The following CDYL2 variants were observed in gnomAD, a reference collection of about 807,000 sequenced individuals.
CDYL2 encodes the protein chromodomain Y-like protein 2.
A neutral mutation model predicts 49.4 loss-of-function variants in CDYL2; 23 were observed. That is an observed-to-expected ratio of 0.47 (90% CI 0.34 to 0.66). The LOEUF is 0.66. Among genes scored for constraint, CDYL2 ranks in the 30% least tolerant of loss-of-function variants. The probability of loss-of-function intolerance (pLI) is 0.01; values close to 1 mark genes in which losing one functional copy is unlikely to be tolerated. For missense variants in CDYL2, 678 were observed against 656.4 expected, an observed-to-expected ratio of 1.03 and a Z score of -0.36; for synonymous variants, 360 against 268.8, an observed-to-expected ratio of 1.34 and a Z score of -3.32.
chr16:80,778,582 T>A (rs1907166038), intron 1 of CDYL2, among the ~76,000 whole-genome samples: 1 of 151,994 alleles, frequency 6.6e-6, no homozygotes, highest in Non-Finnish European at 1.5e-5. Context: ...CAAAAGAAAG[T>A]CTTTTGGGGA....
chr16:80,634,703 T>C (rs983335715), intron 2 of CDYL2, among the ~76,000 whole-genome samples: 3 of 152,154 alleles, frequency 2.0e-5, no homozygotes, highest in African/African-American at 7.2e-5. Context: ...GCTCTGCCCA[T>C]GTATTTGATA....
chr16:80,627,264 C>G (rs193251687), intron 3 of CDYL2, among the ~76,000 whole-genome samples: 7 of 152,046 alleles, frequency 4.6e-5, no homozygotes, highest in African/African-American at 1.7e-4. Context: ...CTCACCTATA[C>G]ATGAACTCTA....
rs138490771 is a variant in CDYL2, at chr16:80,749,853, T to C, written c.24+54297A>G. Among the ~76,000 whole-genome samples, 691 of 152,238 alleles carry C rather than the reference T, an allele frequency of 4.5e-3. 7 individuals are homozygous for C. The highest frequency in any genetic ancestry group is 0.016 in the African/African-American group (655 of 41,530). On this transcript the variant is annotated intron_variant, in intron 1 of 6. Transcript: ENST00000570137. ...AACCAACCCAAATGTCCATCAATGA[T>C]AGACTGGATTAAGAAAATGTGGCAC...
chr16:80,727,606 G>C (rs1426433173), intron 1 of CDYL2, among the ~76,000 whole-genome samples: 2 of 152,346 alleles, frequency 1.3e-5, no homozygotes, highest in Admixed American at 6.5e-5. Context: ...ACAGCTCAAG[G>C]AGGCCTGCCT....
At chr16:80,652,023 G>C (rs554171043) in intron 2 of CDYL2, among the ~76,000 whole-genome samples, 1 of 152,158 alleles carries the variant, frequency 6.6e-6, no homozygotes, top group East Asian at 1.9e-4. Flanking sequence ...AGATAAAGAT[G>C]GCTGCATACA....
At chr16:80,661,662 T>C (rs1011017771) in intron 2 of CDYL2, among the ~76,000 whole-genome samples, 3 of 152,190 alleles carry the variant, frequency 2.0e-5, no homozygotes, top group African/African-American at 7.2e-5. Flanking sequence ...TGGTGTTGGC[T>C]CTGATGGATG....
At chr16:80,623,651 T>C (rs987667610) in intron 3 of CDYL2, among the ~76,000 whole-genome samples, 7 of 152,216 alleles carry the variant, frequency 4.6e-5, no homozygotes, top group Non-Finnish European at 8.8e-5. Context: ...CTTTACGATA[T>C]GAACTCACTT....
At position 80,600,712 on chromosome 16, in the gene CDYL2, T is replaced by C. The variant is rs1020924635; in HGVS notation, c.*3676A>G. On this transcript the variant is annotated 3_prime_UTR_variant, in exon 7 of 7. Transcript: ENST00000570137. ...TAGGAAGATTTGAAGATGTTTCTATTTGTTTCTCTCTGTTAAAAAATTTCC... is the reference window on the plus strand; with the variant it reads ...TAGGAAGATTTGAAGATGTTTCTATCTGTTTCTCTCTGTTAAAAAATTTCC... The C allele has an allele frequency of 1.3e-5, 2 of 152,212 alleles. No individual in the cohort carries two copies. Among genetic ancestry groups the C allele is most frequent in the African/African-American group, 4.8e-5 (2 of 41,466 alleles). 9.4% of individuals were successfully genotyped at this position (152,212 alleles called of 1,614,324 possible).
intron 3 of CDYL2, among the ~76,000 whole-genome samples, chr16:80,631,467 A>C (rs1418753617): frequency 6.6e-6 from 1 of 152,238 alleles, no homozygotes; most frequent in Non-Finnish European, 1.5e-5. Context: ...CACTGCATTA[A>C]GTATTCATTG....
At chr16:80,627,907 C>T (rs1353881360) in intron 3 of CDYL2, 1 of 152,250 alleles carries the variant, frequency 6.6e-6, no homozygotes, top group East Asian at 1.9e-4. Context: ...AGAGAACAGA[C>T]TCCCCCTCTA....
intron 1 of CDYL2, among the ~76,000 whole-genome samples, chr16:80,740,340 G>A (rs916060860): frequency 3.3e-5 from 5 of 152,130 alleles, no homozygotes; most frequent in African/African-American, 1.2e-4. Flanking sequence ...TGTGAAGTGA[G>A]TATAGAAACA....
intron 1 of CDYL2, among the ~76,000 whole-genome samples, chr16:80,741,203 A>C (rs1314962332): frequency 6.6e-6 from 1 of 150,672 alleles, no homozygotes. Flanking sequence ...GTGTATAAGA[A>C]TTTTATATAT....
At chr16:80,640,045 A>C (rs1247526351) in intron 2 of CDYL2, among the ~76,000 whole-genome samples, 1 of 152,152 alleles carries the variant, frequency 6.6e-6, no homozygotes, top group Non-Finnish European at 1.5e-5. Context: ...CTAGGCCACA[A>C]GGGCTAGACC....
intron 1 of CDYL2, among the ~76,000 whole-genome samples, chr16:80,706,326 G>T (rs1009411872): frequency 6.6e-6 from 1 of 152,138 alleles, no homozygotes; most frequent in African/African-American, 2.4e-5. Context: ...AAAAACAGGA[G>T]GGCAATGCTG....
intron 2 of CDYL2, among the ~76,000 whole-genome samples, chr16:80,682,113 G>C (rs576301168): frequency 7.9e-5 from 12 of 152,262 alleles, no homozygotes; most frequent in African/African-American, 2.4e-4. Context: ...TCTCTCATCA[G>C]TTGCCAGATA....
intron 2 of CDYL2, among the ~76,000 whole-genome samples, chr16:80,663,982 T>C (rs899258794): frequency 2.6e-5 from 4 of 152,228 alleles, no homozygotes; most frequent in Non-Finnish European, 5.9e-5. Context: ...AATCAAATCA[T>C]GTCTCCTGCA....
At chr16:80,649,642 G>GT (rs1199631906) in intron 2 of CDYL2, among the ~76,000 whole-genome samples, 1 of 152,124 alleles carries the variant, frequency 6.6e-6, no homozygotes, top group Admixed American at 6.5e-5. Context: ...AACTGTGAAA[G>GT]ACCCAGAATA....
intron 2 of CDYL2, among the ~76,000 whole-genome samples, chr16:80,647,662 G>T (rs1459869902): frequency 2.0e-5 from 3 of 152,072 alleles, no homozygotes; most frequent in African/African-American, 4.8e-5. Context: ...AGAAATATTG[G>T]ACTTCATCTG....
At chr16:80,795,109 A>C (rs1033678161) in intron 1 of CDYL2, among the ~76,000 whole-genome samples, 3 of 152,192 alleles carry the variant, frequency 2.0e-5, no homozygotes, top group Non-Finnish European at 2.9e-5. Context: ...TTTTAAGAAC[A>C]CTGGACTAGA....
Sources: allele counts gnomAD v4.1 joint callset (sites outside exome capture counted in the v4.1 genomes callset), GRCh38; gene constraint gnomAD v4.1.1; transcripts MANE v1.5; gene names NCBI Gene and HGNC (gene_info 2026-07-23, HGNC 2026-07-21).